Variants in ZFC3H1 observed in about 807,000 individuals in gnomAD.
ZFC3H1 encodes the protein zinc finger C3H1-type containing.
In ZFC3H1, 71 loss-of-function variants were observed where a neutral mutation model predicts 243.7. The observed-to-expected ratio is 0.29, with a 90% CI of 0.24 to 0.36. The LOEUF (loss-of-function observed/expected upper bound fraction) is 0.36. Ranked by LOEUF, ZFC3H1 falls within the 10% of genes least tolerant of loss-of-function variation. The pLI, the probability that ZFC3H1 is intolerant of heterozygous loss-of-function variation, is 1.00. For synonymous variants in ZFC3H1, 838 were observed against 813.0 expected (o/e 1.03, Z -0.52); for missense variants, 1,966 against 2,317.1 (o/e 0.85, Z 3.11).
intron 5 of ZFC3H1, among the ~76,000 whole-genome samples, chr12:71,643,617 A>G (rs929675207): frequency 6.6e-6 from 1 of 152,168 alleles, no homozygotes; most frequent in Non-Finnish European, 1.5e-5. Flanking sequence ...GACGACAAGT[A>G]TATTTATATA....
rs374970160 is a variant in ZFC3H1 at position 71,620,043 on chromosome 12, T to C, written c.4932A>G (p.Ala1644=). 1.2e-6 allele frequency: 2 copies of C among 1,613,518 alleles called. No individual in the cohort carries two copies. Among genetic ancestry groups the C allele is most frequent in the Non-Finnish European group, 1.7e-6 (2 of 1,179,920 alleles). The change falls in exon 26 of 35, where the codon GCA becomes GCG. Residue 1644 remains alanine, a synonymous_variant. Coordinates refer to ENST00000378743, the MANE Select transcript of ZFC3H1 (RefSeq NM_144982.5). The stretch of plus-strand genomic sequence containing the variant: ...CATGCTGATTTGTTTGCAAATATAA[T>C]GCAACAAGAGCTTCCAGCAACTGGC... ...INCQLLEALV[A]LYLQTNQHDK...
chr12:71,663,319 G>C lies in ZFC3H1; in HGVS notation c.292C>G (p.Leu98Val). The change falls in exon 1 of 35, where the codon CTC (leucine) becomes GTC (valine). Residue 98 changes from leucine to valine, a missense_variant. Physicochemically the swap from Leu to Val is conservative, Grantham distance 32 (BLOSUM62 1). Transcript: ENST00000378743. ...RSRHASERGH[L>V]RGPSSYRPKE... ...GGTCGGTAGCTGCTGGGTCCCCTGA[G>C]GTGGCCCCGCTCAGACGCGTGCCGC... The C allele has an allele frequency of 1.2e-6, 2 of 1,613,356 alleles. No individual in the cohort carries two copies. Among genetic ancestry groups the C allele is most frequent in the Non-Finnish European group, 1.7e-6 (2 of 1,180,022 alleles).
intron 1 of ZFC3H1, among the ~76,000 whole-genome samples, chr12:71,662,039 C>T (rs1881191973): frequency 6.6e-6 from 1 of 152,216 alleles, no homozygotes; most frequent in East Asian, 1.9e-4. Flanking sequence ...AAAATCATCA[C>T]ACTATGTGAA....
chr12:71,612,721 C>T (rs1024232847), intron 31 of ZFC3H1, among the ~76,000 whole-genome samples: 4 of 152,088 alleles, frequency 2.6e-5, no homozygotes, highest in African/African-American at 4.8e-5. Flanking sequence ...TGACTGCAAA[C>T]GTGGAAGCCA....
intron 31 of ZFC3H1, 94 bp from the exon 32 acceptor site, chr12:71,611,981 ATTAG>A (rs1017207997): frequency 2.0e-5 from 13 of 666,148 alleles, no homozygotes; most frequent in African/African-American, 3.8e-5. Context: ...ATAAATTTTG[ATTAG>A]TTAAATTCCA....
intron 2 of ZFC3H1, 67 bp from the exon 3 acceptor site, chr12:71,647,880 T>A: frequency 1.7e-6 from 1 of 604,740 alleles, no homozygotes; most frequent in Non-Finnish European, 2.7e-6. Context: ...AAAATAATCC[T>A]ATATAATATC....
intron 2 of ZFC3H1, 65 bp downstream of exon 2, chr12:71,656,820 A>C: frequency 6.7e-7 from 1 of 1,482,512 alleles, no homozygotes; most frequent in Non-Finnish European, 9.1e-7. Flanking sequence ...TACACTGCCA[A>C]AACAAGTAGT....
chr12:71,610,497 T>C lies in ZFC3H1; in HGVS notation c.5901A>G (p.Gln1967=), dbSNP rs559086986. Residue 1967 remains glutamine, a synonymous_variant, in exon 35 of 35, where the codon CAA becomes CAG. Coordinates refer to ENST00000378743, the MANE Select transcript of ZFC3H1 (RefSeq NM_144982.5). ...DNLRKLVSKC[Q]EIGVSLNELL... The stretch of plus-strand genomic sequence containing the variant: ...GCTCATTTAGGCTGACTCCAATCTC[T>C]TGGCACTTGGAAACTAGTTTTCTCA... 1 of 1,613,670 alleles carries C rather than the reference T, an allele frequency of 6.2e-7. No homozygotes were observed. The highest frequency in any genetic ancestry group is 8.5e-7 in the Non-Finnish European group (1 of 1,179,654).
intron 7 of ZFC3H1, among the ~76,000 whole-genome samples, chr12:71,638,075 A>G (rs900069987): frequency 3.7e-4 from 57 of 152,180 alleles, no homozygotes; most frequent in African/African-American, 9.4e-4. Context: ...ATCCTAATGC[A>G]TGTAAATTCC....
intron 4 of ZFC3H1, 57 bp from the exon 5 acceptor site, chr12:71,644,375 G>C: frequency 6.5e-7 from 1 of 1,533,940 alleles, no homozygotes; most frequent in Non-Finnish European, 8.8e-7. Context: ...AGAAAAATAA[G>C]AGTCTTAAAA....
chr12:71,633,187 A>G (rs1880368672), intron 13 of ZFC3H1, 77 bp downstream of exon 13: 3 of 1,449,756 alleles, frequency 2.1e-6, no homozygotes, highest in Non-Finnish European at 2.8e-6. Context: ...TTTAGTATAC[A>G]GTGGTTTGTC....
rs181781209 is a variant in ZFC3H1, at chr12:71,617,100, T to C, written c.5145-1784A>G. On this transcript the variant is annotated intron_variant, in intron 27 of 34. Coordinates refer to ENST00000378743, the MANE Select transcript of ZFC3H1 (RefSeq NM_144982.5). ...GACAGAATTCAACTCCAGGTAAAAA[T>C]TATAGTGCTAAGCATTTTGCTTAAC... 1.8e-3 allele frequency among the ~76,000 whole-genome samples: 271 copies of C among 152,280 alleles called. 3 individuals carry two copies. Among genetic ancestry groups the C allele is most frequent in the Admixed American group, 3.9e-3 (60 of 15,296 alleles).
chr12:71,631,700 C>A, intron 16 of ZFC3H1, 78 bp downstream of exon 16: 2 of 1,226,148 alleles, frequency 1.6e-6, no homozygotes, highest in Non-Finnish European at 2.3e-6. Flanking sequence ...TTTTCATTAT[C>A]ATCAAATATT....
chr12:71,634,130 G>C, intron 12 of ZFC3H1, 25 bp downstream of exon 12: 1 of 1,600,282 alleles, frequency 6.2e-7, no homozygotes, highest in Non-Finnish European at 8.5e-7. Flanking sequence ...GGAACAATTA[G>C]ATATGTGAAG....
At position 71,613,336 on chromosome 12, in the gene ZFC3H1, T is replaced by C; in HGVS notation, c.5626A>G (p.Arg1876Gly). Reference sequence around the variant, plus strand: ...AAAAGAATGTTAAGTTTTTCTTACCTCAATGCAAGTCCAGAATTAGCTGGC... The same window carrying C: ...AAAAGAATGTTAAGTTTTTCTTACCCCAATGCAAGTCCAGAATTAGCTGGC... ...VMPANSGLAL[R>G]LLQHEWEESN... Residue 1876 changes from arginine (R) to glycine (G), a missense_variant and splice_region_variant, in exon 31 of 35, where the codon AGG becomes GGG. Physicochemically the swap from Arg to Gly is moderately radical, Grantham distance 125 (BLOSUM62 -2). Coordinates refer to ENST00000378743, the MANE Select transcript of ZFC3H1 (RefSeq NM_144982.5). The C allele has an allele frequency of 6.2e-7, 1 of 1,607,470 alleles. No individual in the cohort carries two copies.
At chr12:71,634,429 A>G (rs1880408784) in intron 11 of ZFC3H1, 125 bp from the exon 12 acceptor site, 3 of 1,193,324 alleles carry the variant, frequency 2.5e-6, no homozygotes, top group Non-Finnish European at 3.4e-6. Context: ...ATGATGACCA[A>G]TATGCAAGAC....
intron 2 of ZFC3H1, among the ~76,000 whole-genome samples, chr12:71,648,018 G>C (rs555330516): frequency 1.7e-3 from 254 of 152,094 alleles, no homozygotes; most frequent in African/African-American, 5.8e-3. Context: ...AAAGTTATAA[G>C]GCAAAATGAT....
At chr12:71,624,428 T>C in intron 22 of ZFC3H1, 136 bp from the exon 23 acceptor site, 1 of 906,920 alleles carries the variant, frequency 1.1e-6, no homozygotes, top group Non-Finnish European at 1.6e-6. Context: ...TAAAAATGTA[T>C]AACTCCATCT....
In ZFC3H1 at chr12:71,644,949, T is replaced by TG. The variant is rs1433100140; in HGVS notation, c.1206_1207insC (p.Lys403GlnfsTer10). 2 of 1,613,072 alleles carry TG rather than the reference T, an allele frequency of 1.2e-6. No individual in the cohort carries two copies. Among genetic ancestry groups the TG allele is most frequent in the African/African-American group, 2.7e-5 (2 of 74,922 alleles). On this transcript the variant is annotated frameshift_variant, in exon 4 of 35. Coordinates refer to ENST00000378743, the MANE Select transcript of ZFC3H1 (RefSeq NM_144982.5). LOFTEE classifies it high-confidence loss of function. ...ACTTTTTGCTGTACAGTTTTCGTCT[T>TG]AGTCAACTTTTCTTTGCTTTCTTTC...
Sources: gnomAD v4.1 joint callset for allele counts (sites outside exome capture counted in the v4.1 genomes callset) on GRCh38, gnomAD v4.1.1 for gene constraint, MANE v1.5 for transcripts, NCBI Gene and HGNC (gene_info 2026-07-23, HGNC 2026-07-21) for gene names.